The following KIAA0586 variants were observed in gnomAD, a reference collection of about 807,000 sequenced individuals.
KIAA0586 encodes the protein KIAA0586.
Under a neutral mutation model 169.8 loss-of-function variants are expected in KIAA0586, and 144 were observed. That is an observed-to-expected ratio of 0.85 (90% CI 0.74 to 0.97). The LOEUF is 0.97. Ranked by LOEUF, KIAA0586 falls within the 50% of genes least tolerant of loss-of-function variation. The pLI is 0.00. For missense variants in KIAA0586, 1,854 were observed against 1,823.0 expected (o/e 1.02, Z -0.31); for synonymous variants, 625 against 612.4 (o/e 1.02, Z -0.30).
At position 58,548,117 on chromosome 14, in the gene KIAA0586, T is replaced by G; in HGVS notation, c.*185T>G. 1 of 624,898 alleles carries G rather than the reference T, an allele frequency of 1.6e-6. No homozygotes were observed. Among genetic ancestry groups the G allele is most frequent in the Non-Finnish European group, 2.6e-6 (1 of 384,262 alleles). 38.7% of individuals were successfully genotyped at this position (624,898 alleles called of 1,614,324 possible). On this transcript the variant is annotated 3_prime_UTR_variant, in exon 31 of 31. Transcript: ENST00000652326. ...AGTTTTTAAATAAAATAAGTATAAG[T>G]CATTATAAGTCTGATTGTGAGTTGT...
intron 29 of KIAA0586, chr14:58,521,970 C>G: frequency 1.5e-6 from 2 of 1,356,984 alleles, no homozygotes; most frequent in Non-Finnish European, 2.1e-6. Context: ...GAGACAGCAC[C>G]AATGGCGAAG....
At chr14:58,555,847 C>A (rs546938725), downstream of KIAA0586, among the ~76,000 whole-genome samples, 12 of 152,288 alleles carry the variant, frequency 7.9e-5, no homozygotes, top group Middle Eastern at 3.4e-3. Context: ...TAAATTGAGA[C>A]AATTTTCCTT....
intron 29 of KIAA0586, chr14:58,521,758 T>C: frequency 2.5e-6 from 2 of 806,900 alleles, no homozygotes; most frequent in Non-Finnish European, 4.4e-6. Context: ...GCAGTAGAGA[T>C]GAAGGATGAT....
chr14:58,524,860 T>C (rs985316318), intron 29 of KIAA0586, among the ~76,000 whole-genome samples: 3 of 152,172 alleles, frequency 2.0e-5, no homozygotes, highest in Non-Finnish European at 4.4e-5. Flanking sequence ...GGACTGCAGG[T>C]GCGTGCCACC....
intron 9 of KIAA0586, among the ~76,000 whole-genome samples, chr14:58,456,131 T>C (rs1331156088): frequency 2.0e-5 from 3 of 152,144 alleles, no homozygotes; most frequent in Admixed American, 6.5e-5. Context: ...TTAGGAGAGC[T>C]TGAAACCATT....
upstream of KIAA0586, chr14:58,427,476 C>G (rs1175765520): frequency 2.1e-6 from 2 of 944,990 alleles, no homozygotes; most frequent in African/African-American, 1.6e-5. Context: ...AAGTCGGGAG[C>G]TCTTCAAGTC....
intron 4 of KIAA0586, among the ~76,000 whole-genome samples, chr14:58,439,310 C>T (rs186971073): frequency 3.5e-4 from 53 of 152,260 alleles, no homozygotes; most frequent in Admixed American, 1.8e-3. Flanking sequence ...CCTCAGCCTC[C>T]GTAGTAGCTG....
At position 58,428,009 on chromosome 14, in the gene KIAA0586, G is replaced by A. The variant is rs749870113; in HGVS notation, c.-256G>A. On this transcript the variant is annotated 5_prime_UTR_variant, in exon 1 of 31. Coordinates refer to ENST00000652326, the MANE Select transcript of KIAA0586 (RefSeq NM_001329943.3). ...TGTTATGGTTATTGTTGCTCCTGTG[G>A]CCATTCTCTTGTCATCCCCACTTTC... 50 of 1,426,046 alleles carry A rather than the reference G, an allele frequency of 3.5e-5. No homozygotes were observed. Among genetic ancestry groups the A allele is most frequent in the Non-Finnish European group, 4.5e-5 (49 of 1,097,564 alleles). 88.3% of individuals were successfully genotyped at this position (1,426,046 alleles called of 1,614,324 possible).
chr14:58,428,026 C>G lies in KIAA0586; in HGVS notation c.-239C>G. Reference sequence around the variant, plus strand: ...CTCCTGTGGCCATTCTCTTGTCATCCCCACTTTCACATTTTGGCGTGGTGT... The same window carrying G: ...CTCCTGTGGCCATTCTCTTGTCATCGCCACTTTCACATTTTGGCGTGGTGT... On this transcript the variant is annotated 5_prime_UTR_variant, in exon 1 of 31. Coordinates refer to ENST00000652326, the MANE Select transcript of KIAA0586 (RefSeq NM_001329943.3). The G allele has an allele frequency of 1.4e-6, 2 of 1,427,910 alleles. No individual in the cohort carries two copies. The highest frequency in any genetic ancestry group is 5.1e-5 in the East Asian group (2 of 39,370). The allele number at this position is 1,427,910 out of a possible 1,614,324, so 88.5% of individuals were successfully genotyped here.
At chr14:58,465,249 A>T (rs1183988021) in intron 14 of KIAA0586, among the ~76,000 whole-genome samples, 1 of 152,146 alleles carries the variant, frequency 6.6e-6, no homozygotes, top group Non-Finnish European at 1.5e-5. Flanking sequence ...ATAGAATTTG[A>T]TTGTCTGTAC....
intron 14 of KIAA0586, among the ~76,000 whole-genome samples, chr14:58,463,110 C>T (rs566772436): frequency 3.4e-5 from 4 of 116,058 alleles, no homozygotes; most frequent in African/African-American, 6.5e-5. Context: ...GAGAGCTCTT[C>T]GTTCAGACAC....
chr14:58,560,378 T>C, the KIAA0586 span, among the ~76,000 whole-genome samples: 1 of 152,188 alleles, frequency 6.6e-6, no homozygotes, highest in South Asian at 2.1e-4. Flanking sequence ...CACAGGCTGG[T>C]TCTCATGTAT....
intron 21 of KIAA0586, among the ~76,000 whole-genome samples, chr14:58,484,924 A>ATAAATATATATTTTTTT (rs1566877360): frequency 2.5e-3 from 33 of 13,050 alleles, no homozygotes; most frequent in Non-Finnish European, 3.9e-3. Flanking sequence ...ATATATATAT[A>ATAAATATATATTTTTTT]TTTTTTTTTT....
At chr14:58,441,596 A>G (rs2038378933) in intron 4 of KIAA0586, among the ~76,000 whole-genome samples, 1 of 150,532 alleles carries the variant, frequency 6.6e-6, no homozygotes, top group African/African-American at 2.4e-5. Flanking sequence ...AGTTATCTCA[A>G]TTGATTGTTC....
Position 58,506,577 on chromosome 14 carries a change from C to G in KIAA0586, c.4169-1978C>G, listed in dbSNP as rs538086749. ...TGGCGCGTGCCTGTGGTCTCAGCTC[C>G]TAGGGAGGCTGAGGCAGAAGAATCG... On this transcript the variant is annotated intron_variant, in intron 27 of 30. Coordinates refer to ENST00000652326, the MANE Select transcript of KIAA0586 (RefSeq NM_001329943.3). Among the ~76,000 whole-genome samples the G allele has an allele frequency of 2.6e-5, 4 of 151,688 alleles. No individual in the cohort carries two copies. The East Asian group carries it at 7.8e-4, about 30-fold the overall frequency.
intron 20 of KIAA0586, among the ~76,000 whole-genome samples, chr14:58,478,825 T>C (rs1595290152): frequency 6.6e-6 from 1 of 152,258 alleles, no homozygotes; most frequent in Admixed American, 6.5e-5. Context: ...TTCATACATA[T>C]GTAATCATGC....
chr14:58,461,094 C>T lies in KIAA0586; in HGVS notation c.1993C>T (p.Leu665Phe). 1 of 1,611,558 alleles carries T rather than the reference C, an allele frequency of 6.2e-7. No individual in the cohort carries two copies. Among genetic ancestry groups the T allele is most frequent in the Non-Finnish European group, 8.5e-7 (1 of 1,178,690 alleles). The change falls in exon 14 of 31, where the codon CTC becomes TTC. Residue 665 changes from leucine (L) to phenylalanine (F), a missense_variant. By Grantham distance (22) the Leu-to-Phe change is conservative (BLOSUM62 0). Transcript: ENST00000652326. ...AAGCACTCTTAAAAAAGGACCATAT[C>T]TCAGATTTAATTCTCCATCTCCTAA... ...HRSTLKKGPY[L>F]RFNSPSPKSR...
intron 4 of KIAA0586, chr14:58,433,232 A>G (rs2037530648): frequency 6.6e-6 from 1 of 151,740 alleles, no homozygotes; most frequent in Non-Finnish European, 1.5e-5. Context: ...ACGCCTGGCT[A>G]TTATTTGTAT....
intron 4 of KIAA0586, among the ~76,000 whole-genome samples, chr14:58,441,676 C>T (rs559807257): frequency 6.6e-6 from 1 of 152,262 alleles, no homozygotes; most frequent in Admixed American, 6.5e-5. Flanking sequence ...CTGTGTCACC[C>T]AGGCTAGAGT....
Sources: gnomAD v4.1 joint callset for allele counts (sites outside exome capture counted in the v4.1 genomes callset) on GRCh38, gnomAD v4.1.1 for gene constraint, MANE v1.5 for transcripts, NCBI Gene and HGNC (gene_info 2026-07-23, HGNC 2026-07-21) for gene names.